Variants in MAPKAP1 observed in about 807,000 individuals in gnomAD.
MAPKAP1 encodes the protein MAPK associated protein 1.
A neutral mutation model predicts 65.7 loss-of-function variants in MAPKAP1; 20 were observed. The observed-to-expected ratio is 0.30, with a 90% confidence interval of 0.21 to 0.44. The LOEUF (loss-of-function observed/expected upper bound fraction) is 0.44. MAPKAP1 is among the 20% of genes least tolerant of loss of function. The probability of loss-of-function intolerance (pLI) is 1.00; values close to 1 mark genes in which losing one functional copy is unlikely to be tolerated. For synonymous variants in MAPKAP1, 222 were observed against 244.3 expected (o/e 0.91, Z 0.85); for missense variants, 423 against 648.0 (o/e 0.65, Z 3.77).
At chr9:125,677,759 T>C (rs546560719) in intron 1 of MAPKAP1, among the ~76,000 whole-genome samples, 2 of 152,232 alleles carry the variant, frequency 1.3e-5, no homozygotes, top group Admixed American at 1.3e-4. Context: ...AGATAAATAA[T>C]ATCACCTTGC....
chr9:125,542,546 G>C (rs1830284487), intron 7 of MAPKAP1, among the ~76,000 whole-genome samples: 1 of 151,938 alleles, frequency 6.6e-6, no homozygotes, highest in African/African-American at 2.4e-5. Context: ...GGGTAATGAG[G>C]AGTTAAGTTA....
At chr9:125,459,731 G>A (rs998829826) in intron 10 of MAPKAP1, among the ~76,000 whole-genome samples, 5 of 152,132 alleles carry the variant, frequency 3.3e-5, no homozygotes, top group Admixed American at 3.3e-4. Flanking sequence ...AGGAGAATCA[G>A]GCAGGGAGGT....
intron 1 of MAPKAP1, among the ~76,000 whole-genome samples, chr9:125,699,957 G>A (rs1005545367): frequency 1.4e-4 from 21 of 152,170 alleles, no homozygotes; most frequent in Non-Finnish European, 1.2e-4. Flanking sequence ...GCCTGGACCT[G>A]CATCTCTCCA....
chr9:125,667,666 C>G (rs530797007), intron 3 of MAPKAP1, among the ~76,000 whole-genome samples: 1 of 152,276 alleles, frequency 6.6e-6, no homozygotes, highest in South Asian at 2.1e-4. Flanking sequence ...GCCACCTTGG[C>G]CTCCAAAAGT....
At chr9:125,585,790 T>C (rs781771644) in intron 4 of MAPKAP1, 63 bp from the exon 5 acceptor site, 178 of 1,514,158 alleles carry the variant, frequency 1.2e-4, no homozygotes, top group Non-Finnish European at 1.4e-4. Flanking sequence ...CCCACTGCTC[T>C]CCAGGCCTGT....
chr9:125,601,276 A>G (rs1832292063), intron 4 of MAPKAP1, among the ~76,000 whole-genome samples: 1 of 152,222 alleles, frequency 6.6e-6, no homozygotes, highest in South Asian at 2.1e-4. Context: ...GTATTTTGAG[A>G]ATGTAAAATT....
At chr9:125,477,758 T>C (rs1041919098) in intron 9 of MAPKAP1, among the ~76,000 whole-genome samples, 3 of 152,212 alleles carry the variant, frequency 2.0e-5, no homozygotes, top group African/African-American at 7.2e-5. Flanking sequence ...TCTGTTTCAA[T>C]GTTCCCCTAA....
intron 7 of MAPKAP1, among the ~76,000 whole-genome samples, chr9:125,523,104 G>T (rs1207350330): frequency 6.6e-6 from 1 of 152,156 alleles, no homozygotes; most frequent in Non-Finnish European, 1.5e-5. Context: ...ACAATCCCCA[G>T]CCAACCAAAA....
At chr9:125,585,995 T>C (rs550041315) in intron 4 of MAPKAP1, among the ~76,000 whole-genome samples, 90 of 151,962 alleles carry the variant, frequency 5.9e-4, no homozygotes, top group African/African-American at 2.0e-3. Flanking sequence ...GAGTGGTGAG[T>C]AGAGTTCATG....
rs1476412597 is a variant in MAPKAP1, at chr9:125,699,709, A to G, written c.-70+7262T>C. Among the ~76,000 whole-genome samples the G allele has an allele frequency of 2.0e-5, 3 of 150,618 alleles. No homozygotes were observed. The South Asian group carries it at 6.3e-4, about 32-fold the overall frequency. ...GTACAGTGGTGTGATCATGGCTCAC[A>G]GCAGCCTCAGCCCCCTGGGCTCAAG... On this transcript the variant is annotated intron_variant, in intron 1 of 11. Transcript: ENST00000265960.
intron 4 of MAPKAP1, among the ~76,000 whole-genome samples, chr9:125,636,427 A>G (rs1246971403): frequency 2.0e-5 from 3 of 152,248 alleles, no homozygotes; most frequent in Non-Finnish European, 4.4e-5. Context: ...TACAATAGAG[A>G]CAAATTAGAT....
chr9:125,519,671 T>A (rs942281135), intron 7 of MAPKAP1, among the ~76,000 whole-genome samples: 20 of 147,816 alleles, frequency 1.4e-4, no homozygotes, highest in South Asian at 2.1e-4. Flanking sequence ...TATATATATA[T>A]AATTTAAAAA....
At chr9:125,476,901 G>A (rs1395930371) in intron 9 of MAPKAP1, among the ~76,000 whole-genome samples, 7 of 152,298 alleles carry the variant, frequency 4.6e-5, no homozygotes, top group African/African-American at 1.7e-4. Flanking sequence ...GTTGCCCTCA[G>A]ACACAGCTGG....
chr9:125,502,242 C>T (rs1443764820), intron 8 of MAPKAP1, among the ~76,000 whole-genome samples: 3 of 152,054 alleles, frequency 2.0e-5, no homozygotes, highest in Non-Finnish European at 4.4e-5. Flanking sequence ...GCTGGGATTA[C>T]AGGCACTTAC....
intron 4 of MAPKAP1, among the ~76,000 whole-genome samples, chr9:125,607,170 C>A (rs1166291414): frequency 1.3e-5 from 2 of 151,996 alleles, no homozygotes; most frequent in African/African-American, 4.8e-5. Context: ...TATGAAACTG[C>A]TGATAATCAC....
chr9:125,511,414 C>T (rs1446644811), intron 7 of MAPKAP1, among the ~76,000 whole-genome samples: 1 of 152,126 alleles, frequency 6.6e-6, no homozygotes, highest in Non-Finnish European at 1.5e-5. Context: ...TGCTCAGTGT[C>T]CCTCAGGAAC....
chr9:125,532,794 A>G (rs548770717), intron 7 of MAPKAP1, among the ~76,000 whole-genome samples: 1 of 152,314 alleles, frequency 6.6e-6, no homozygotes, highest in East Asian at 1.9e-4. Flanking sequence ...GTTTTTGTCT[A>G]TATTTGTGAC....
Position 125,636,453 on chromosome 9 carries a change from C to T in MAPKAP1, c.498+21198G>A, listed in dbSNP as rs150453675. Among the ~76,000 whole-genome samples, 659 of 152,328 alleles carry T rather than the reference C, an allele frequency of 4.3e-3. 6 individuals are homozygous for T. The highest frequency in any genetic ancestry group is 0.015 in the African/African-American group (617 of 41,578). ...CAAATTAGATAATTCAAAATTCCTC[C>T]ATACCTAACAACTCTGTAACTGTGG... On this transcript the variant is annotated intron_variant, in intron 4 of 11. Transcript: ENST00000265960.
intron 10 of MAPKAP1, among the ~76,000 whole-genome samples, chr9:125,457,512 C>T (rs1291644119): frequency 6.6e-6 from 1 of 152,176 alleles, no homozygotes; most frequent in Non-Finnish European, 1.5e-5. Flanking sequence ...GACACATGTT[C>T]CTGCTTCTTT....
Sources: allele counts gnomAD v4.1 joint callset (sites outside exome capture counted in the v4.1 genomes callset), GRCh38; gene constraint gnomAD v4.1.1; transcripts MANE v1.5; gene names NCBI Gene and HGNC (gene_info 2026-07-23, HGNC 2026-07-21).